Variants in SLC24A2 observed in about 807,000 individuals in gnomAD.
SLC24A2 encodes sodium/potassium/calcium exchanger 2.
Under a neutral mutation model 62.0 loss-of-function variants are expected in SLC24A2, and 36 were observed. The observed-to-expected ratio is 0.58, with a 90% CI of 0.44 to 0.77. The LOEUF (loss-of-function observed/expected upper bound fraction) is 0.77. Among genes scored for constraint, SLC24A2 ranks in the 30% least tolerant of loss-of-function variants. SLC24A2 has a pLI of 0.00. For missense variants in SLC24A2, 846 were observed against 817.9 expected (o/e 1.03, Z -0.42); for synonymous variants, 358 against 294.0 (o/e 1.22, Z -2.23).
At position 19,597,249 on chromosome 9, in the gene SLC24A2, TA is replaced by T; in HGVS notation, c.1108del (p.Tyr370MetfsTer4). On this transcript the variant is annotated frameshift_variant, in exon 5 of 11. Coordinates refer to ENST00000341998, the MANE Select transcript of SLC24A2 (RefSeq NM_020344.4). LOFTEE classifies it high-confidence loss of function. Reference sequence around the variant, plus strand: ...CTTACCTTCTTCAGTCATTGTGTCATAATATTTTAGTTTTCCATATGATCCA... The same window carrying T: ...CTTACCTTCTTCAGTCATTGTGTCATATATTTTAGTTTTCCATATGATCCA... ...ELGSYGKLKY[Y>X]DTMTEEGRFR... 1 of 1,587,788 alleles carries T rather than the reference TA, an allele frequency of 6.3e-7. No individual in the cohort carries two copies.
At chr9:19,730,447 T>A (rs1294520322) in intron 2 of SLC24A2, among the ~76,000 whole-genome samples, 1 of 152,202 alleles carries the variant, frequency 6.6e-6, no homozygotes, top group Non-Finnish European at 1.5e-5. Context: ...TTCAATGTTA[T>A]ATTTTTGTGA....
At chr9:19,820,262 C>T in the SLC24A2 span, among the ~76,000 whole-genome samples, 2 of 146,994 alleles carry the variant, frequency 1.4e-5, no homozygotes, top group African/African-American at 5.0e-5. Context: ...AAGAATGATA[C>T]AATGGAGTTT....
At chr9:20,015,101 T>C in the SLC24A2 span, among the ~76,000 whole-genome samples, 183 of 152,342 alleles carry the variant, frequency 1.2e-3, 2 homozygotes, top group African/African-American at 4.3e-3. Flanking sequence ...AGGGAGATTC[T>C]TGTCTCCCGC....
chr9:19,725,191 C>T (rs1821136195), intron 2 of SLC24A2, among the ~76,000 whole-genome samples: 1 of 152,136 alleles, frequency 6.6e-6, no homozygotes, highest in African/African-American at 2.4e-5. Context: ...ACCAGAGATA[C>T]CGCTAAAGAT....
the SLC24A2 span, among the ~76,000 whole-genome samples, chr9:20,106,449 A>T: frequency 2.0e-5 from 3 of 152,248 alleles, no homozygotes. Context: ...AAAATCCTCA[A>T]TAAAATACTG....
At chr9:19,580,873 A>G (rs1431564780) in intron 5 of SLC24A2, among the ~76,000 whole-genome samples, 2 of 152,210 alleles carry the variant, frequency 1.3e-5, no homozygotes, top group African/African-American at 4.8e-5. Context: ...TACTAGTGAC[A>G]TACGATGTCC....
At chr9:19,543,601 A>G (rs1320399845) in intron 8 of SLC24A2, among the ~76,000 whole-genome samples, 1 of 152,128 alleles carries the variant, frequency 6.6e-6, no homozygotes, top group Non-Finnish European at 1.5e-5. Context: ...ACAGTGCTTT[A>G]AATGTGTCCC....
chr9:20,054,169 TTTTTC>T, the SLC24A2 span, among the ~76,000 whole-genome samples: 10 of 152,060 alleles, frequency 6.6e-5, no homozygotes, highest in Non-Finnish European at 8.8e-5. Context: ...TTCTTTTTTC[TTTTTC>T]TTTTCTTTTC....
At chr9:20,157,999 C>T in the SLC24A2 span, among the ~76,000 whole-genome samples, 1 of 151,576 alleles carries the variant, frequency 6.6e-6, no homozygotes, top group Non-Finnish European at 1.5e-5. Flanking sequence ...TGAAACTTCT[C>T]TCCCAATAAA....
intron 2 of SLC24A2, among the ~76,000 whole-genome samples, chr9:19,660,740 A>G (rs1417036810): frequency 1.3e-5 from 2 of 152,164 alleles, no homozygotes; most frequent in South Asian, 2.1e-4. Flanking sequence ...TTATGAAAGG[A>G]AAGTGTATTC....
chr9:19,831,231 A>G, the SLC24A2 span, among the ~76,000 whole-genome samples: 1 of 152,192 alleles, frequency 6.6e-6, no homozygotes, highest in Non-Finnish European at 1.5e-5. Context: ...CACTGACTGT[A>G]AGAAATTCTG....
At chr9:19,677,325 A>G (rs1016155589) in intron 2 of SLC24A2, among the ~76,000 whole-genome samples, 6 of 152,234 alleles carry the variant, frequency 3.9e-5, no homozygotes, top group Admixed American at 3.3e-4. Flanking sequence ...AAACTAACAC[A>G]GGGACAGAAA....
intron 7 of SLC24A2, among the ~76,000 whole-genome samples, chr9:19,563,751 C>CTTCA: frequency 8.5e-6 from 1 of 117,312 alleles, no homozygotes; most frequent in East Asian, 2.9e-4. Context: ...TATAATGACC[C>CTTCA]TTCCTTCCTT....
the SLC24A2 span, among the ~76,000 whole-genome samples, chr9:19,996,029 A>G: frequency 1.8e-4 from 28 of 152,362 alleles, no homozygotes; most frequent in African/African-American, 6.0e-4. Context: ...TGCATGCTTC[A>G]AGACAGGTGT....
the SLC24A2 span, among the ~76,000 whole-genome samples, chr9:19,819,726 T>C: frequency 6.6e-6 from 1 of 151,428 alleles, no homozygotes; most frequent in Admixed American, 6.6e-5. Context: ...ATGGATGCAG[T>C]GAATAGGGAA....
chr9:19,725,036 G>A (rs558409404), intron 2 of SLC24A2, among the ~76,000 whole-genome samples: 6 of 152,086 alleles, frequency 3.9e-5, no homozygotes, highest in Non-Finnish European at 7.3e-5. Flanking sequence ...CAAAACCTCT[G>A]TCTTATACTG....
At chr9:19,561,520 C>A (rs186262564) in intron 7 of SLC24A2, among the ~76,000 whole-genome samples, 2 of 147,982 alleles carry the variant, frequency 1.4e-5, no homozygotes, top group Admixed American at 1.3e-4. Flanking sequence ...CTGCAACCTC[C>A]GCCTCCTGGG....
At chr9:19,669,550 G>C (rs996491664) in intron 2 of SLC24A2, among the ~76,000 whole-genome samples, 3 of 152,206 alleles carry the variant, frequency 2.0e-5, no homozygotes, top group African/African-American at 7.2e-5. Flanking sequence ...GGATCTCACT[G>C]AGCTAAAAGC....
chr9:19,703,581 A>C (rs1257544126), intron 2 of SLC24A2, among the ~76,000 whole-genome samples: 3 of 152,160 alleles, frequency 2.0e-5, no homozygotes, highest in African/African-American at 4.8e-5. Context: ...GCTCACTGTA[A>C]GTTGGACTAT....
Sources: allele counts gnomAD v4.1 joint callset (sites outside exome capture counted in the v4.1 genomes callset), GRCh38; gene constraint gnomAD v4.1.1; transcripts MANE v1.5; gene names NCBI Gene and HGNC (gene_info 2026-07-23, HGNC 2026-07-21).